Variants in CCDC171 observed in about 807,000 individuals in gnomAD.
CCDC171 encodes coiled-coil domain-containing protein 171.
CCDC171 carries 177 observed loss-of-function variants against 168.2 expected under a neutral mutation model. The observed-to-expected ratio is 1.05, with a 90% CI of 0.93 to 1.19. CCDC171 has a LOEUF of 1.19. CCDC171 is among the 50% of genes most tolerant of loss of function. The probability of loss-of-function intolerance (pLI) is 0.00; values close to 1 mark genes in which losing one functional copy is unlikely to be tolerated. For missense variants in CCDC171, 1,991 were observed against 1,539.0 expected (o/e 1.29, Z -4.91); for synonymous variants, 687 against 540.8 (o/e 1.27, Z -3.75).
intron 3 of CCDC171, among the ~76,000 whole-genome samples, chr9:15,990,623 A>G (rs1416283690): frequency 6.6e-6 from 1 of 152,232 alleles, no homozygotes; most frequent in Non-Finnish European, 1.5e-5. Context: ...TAAAAGACAC[A>G]GACTGGCAAA....
chr9:15,917,387 T>G (rs1458464763), intron 24 of CCDC171, among the ~76,000 whole-genome samples: 3 of 151,832 alleles, frequency 2.0e-5, no homozygotes, highest in African/African-American at 7.2e-5. Context: ...TGCACTATTA[T>G]ACAAATTTTA....
At chr9:16,006,761 T>A (rs903103358) in intron 3 of CCDC171, among the ~76,000 whole-genome samples, 5 of 152,240 alleles carry the variant, frequency 3.3e-5, no homozygotes, top group Non-Finnish European at 7.3e-5. Flanking sequence ...GGACAAGAAC[T>A]CATCATTTTT....
At chr9:15,693,327 A>C (rs1587997254) in intron 10 of CCDC171, among the ~76,000 whole-genome samples, 1 of 152,180 alleles carries the variant, frequency 6.6e-6, no homozygotes, top group South Asian at 2.1e-4. Flanking sequence ...GTTTTCATTG[A>C]TGAAGGGCAT....
Position 15,659,316 on chromosome 9 carries a change from C to T in CCDC171, c.915+2097C>T, listed in dbSNP as rs150144457. On this transcript the variant is annotated intron_variant, in intron 8 of 25. Transcript: ENST00000380701. Reference sequence around the variant, plus strand: ...AGGAGGAGATTTGTTGGACCTGCTACTTTCTTGATTTTAATATTTTATAGA... The same window carrying T: ...AGGAGGAGATTTGTTGGACCTGCTATTTTCTTGATTTTAATATTTTATAGA... 2.8e-3 allele frequency among the ~76,000 whole-genome samples: 433 copies of T among 152,270 alleles called. 4 individuals are homozygous for T. The highest frequency in any genetic ancestry group is 0.01 in the African/African-American group (416 of 41,566).
chr9:16,015,749 A>C (rs1832996181), intron 3 of CCDC171, among the ~76,000 whole-genome samples: 1 of 152,166 alleles, frequency 6.6e-6, no homozygotes, highest in South Asian at 2.1e-4. Flanking sequence ...TTCCCAACTG[A>C]AACTCTGTAC....
At chr9:15,894,717 C>T (rs928453485) in intron 24 of CCDC171, among the ~76,000 whole-genome samples, 1 of 152,060 alleles carries the variant, frequency 6.6e-6, no homozygotes, top group African/African-American at 2.4e-5. Context: ...CCCTTTCTCT[C>T]GAATTTCCAC....
At chr9:15,594,259 C>G in intron 6 of CCDC171, 87 bp downstream of exon 6, 2 of 739,044 alleles carry the variant, frequency 2.7e-6, no homozygotes, top group Non-Finnish European at 4.2e-6. Flanking sequence ...CTGACTCGCT[C>G]AAAGGGAAAA....
intron 9 of CCDC171, among the ~76,000 whole-genome samples, chr9:15,678,036 A>T (rs2049762327): frequency 6.7e-6 from 1 of 149,080 alleles, no homozygotes; most frequent in South Asian, 2.1e-4. Flanking sequence ...CAGCCTCCTG[A>T]GTATCTGGGA....
chr9:15,566,676 G>C (rs1314190675), intron 2 of CCDC171, among the ~76,000 whole-genome samples: 2 of 152,136 alleles, frequency 1.3e-5, no homozygotes, highest in Non-Finnish European at 1.5e-5. Context: ...TTTTAACTTT[G>C]ATGAAGTCCA....
intron 3 of CCDC171, among the ~76,000 whole-genome samples, chr9:15,997,754 C>T (rs2987037): frequency 6.6e-6 from 1 of 152,092 alleles, no homozygotes; most frequent in African/African-American, 2.4e-5. Context: ...GAGGGATTTG[C>T]GTCCCTGATG....
Position 15,594,930 on chromosome 9 carries a change from A to C in CCDC171, c.675+758A>C, listed in dbSNP as rs573328474. Reference sequence around the variant, plus strand: ...TTAAAACTTCAAATACATTTTCAGCACATCTTCTAGTTATTTTGTGATAAC... The same window carrying C: ...TTAAAACTTCAAATACATTTTCAGCCCATCTTCTAGTTATTTTGTGATAAC... On this transcript the variant is annotated intron_variant, in intron 6 of 25. Transcript: ENST00000380701. Among the ~76,000 whole-genome samples, 11 of 152,316 alleles carry C rather than the reference A, an allele frequency of 7.2e-5. No individual in the cohort carries two copies. The South Asian group carries it at 2.1e-3, about 29-fold the overall frequency.
At chr9:15,748,011 A>G (rs2055425914) in intron 18 of CCDC171, among the ~76,000 whole-genome samples, 1 of 152,196 alleles carries the variant, frequency 6.6e-6, no homozygotes, top group Admixed American at 6.5e-5. Flanking sequence ...AAAAAAGGTT[A>G]GACGAGTGAC....
At chr9:15,736,661 T>TTTTCTTTCTTTCTTTCTTTCTTTC (rs58407296) in intron 16 of CCDC171, among the ~76,000 whole-genome samples, 36 of 148,008 alleles carry the variant, frequency 2.4e-4, no homozygotes, top group African/African-American at 8.5e-4. Context: ...TCACATTTCT[T>TTTTCTTTCTTTCTTTCTTTCTTTC]TTTCTTTCTT....
At chr9:16,033,874 G>A (rs1040005929) in intron 6 of CCDC171, among the ~76,000 whole-genome samples, 2 of 152,166 alleles carry the variant, frequency 1.3e-5, no homozygotes, top group South Asian at 4.1e-4. Context: ...CGGGTGGCAG[G>A]GCCCCAAGGG....
intron 25 of CCDC171, among the ~76,000 whole-genome samples, chr9:15,970,844 T>C (rs1283857277): frequency 6.6e-6 from 1 of 152,170 alleles, no homozygotes; most frequent in Admixed American, 6.6e-5. Flanking sequence ...CAATAGAGAC[T>C]GAGCACCAGG....
intron 21 of CCDC171, among the ~76,000 whole-genome samples, chr9:15,789,983 T>C (rs187551232): frequency 2.0e-5 from 3 of 152,326 alleles, no homozygotes; most frequent in Non-Finnish European, 4.4e-5. Flanking sequence ...TGCCACCTTT[T>C]CTTAATCCAG....
chr9:15,637,552 C>T (rs1370330689), intron 7 of CCDC171, among the ~76,000 whole-genome samples: 3 of 151,474 alleles, frequency 2.0e-5, no homozygotes, highest in Non-Finnish European at 4.4e-5. Context: ...ATGTGCCATG[C>T]TGGTGTGCTG....
rs544014027 is a variant in CCDC171 at position 15,790,684 on chromosome 9, T to C, written c.3267+5990T>C. On this transcript the variant is annotated intron_variant, in intron 21 of 25. Transcript: ENST00000380701. ...GAAGTCCTTGCCCATGCCTATGTCC[T>C]GAATGGTATTGCCTAGGTTTTCTTC... Among the ~76,000 whole-genome samples the C allele has an allele frequency of 2.0e-5, 3 of 152,352 alleles. No individual in the cohort carries two copies. The East Asian group carries it at 5.8e-4, about 29-fold the overall frequency.
intron 16 of CCDC171, among the ~76,000 whole-genome samples, chr9:15,734,877 T>A (rs2054387769): frequency 6.6e-6 from 1 of 152,186 alleles, no homozygotes; most frequent in African/African-American, 2.4e-5. Context: ...TTATAGAGGA[T>A]GTTTGGTGTC....
Sources: gnomAD v4.1 joint callset for allele counts (sites outside exome capture counted in the v4.1 genomes callset) on GRCh38, gnomAD v4.1.1 for gene constraint, MANE v1.5 for transcripts, NCBI Gene and HGNC (gene_info 2026-07-23, HGNC 2026-07-21) for gene names.